Variants in PCSK5 observed in about 807,000 individuals in gnomAD.
The protein encoded by PCSK5 is prohormone convertase 5.
Under a neutral mutation model 233.2 loss-of-function variants are expected in PCSK5, and 129 were observed. The ratio of observed to expected loss-of-function variants is 0.55; its 90% CI spans 0.48 to 0.64. The LOEUF (loss-of-function observed/expected upper bound fraction) is 0.64, where lower values mean the gene tolerates loss of function less well. Among genes scored for constraint, PCSK5 ranks in the 30% least tolerant of loss-of-function variants. PCSK5 has a pLI of 0.00. For synonymous variants in PCSK5, 825 were observed against 879.2 expected (o/e 0.94, Z 1.09); for missense variants, 2,076 against 2,430.1 (o/e 0.85, Z 3.06).
chr9:76,079,633 T>A (rs922464875), intron 7 of PCSK5, among the ~76,000 whole-genome samples: 2 of 152,218 alleles, frequency 1.3e-5, no homozygotes, highest in Non-Finnish European at 2.9e-5. Context: ...TTGACTTCTT[T>A]TCCTACTTGG....
intron 2 of PCSK5, among the ~76,000 whole-genome samples, chr9:75,948,865 A>G (rs1824711109): frequency 6.6e-6 from 1 of 152,040 alleles, no homozygotes; most frequent in Non-Finnish European, 1.5e-5. Context: ...AACTCACCAC[A>G]GATGTTTTTG....
At chr9:75,926,077 A>G (rs1823474150) in intron 1 of PCSK5, among the ~76,000 whole-genome samples, 1 of 152,194 alleles carries the variant, frequency 6.6e-6, no homozygotes, top group Non-Finnish European at 1.5e-5. Context: ...GCTGGCGGAC[A>G]CATTCCAGCT....
chr9:76,021,867 G>A (rs527398492), intron 3 of PCSK5, among the ~76,000 whole-genome samples: 1 of 152,226 alleles, frequency 6.6e-6, no homozygotes, highest in Non-Finnish European at 1.5e-5. Flanking sequence ...CCATGCCTCC[G>A]CTTCTAACTT....
At chr9:76,170,653 C>G (rs1176537598) in intron 13 of PCSK5, among the ~76,000 whole-genome samples, 1 of 152,234 alleles carries the variant, frequency 6.6e-6, no homozygotes, top group Non-Finnish European at 1.5e-5. Flanking sequence ...GTGCTCTGTC[C>G]AGTCCTCTTT....
intron 1 of PCSK5, among the ~76,000 whole-genome samples, chr9:75,897,177 A>G (rs549770555): frequency 6.6e-6 from 1 of 152,222 alleles, no homozygotes; most frequent in African/African-American, 2.4e-5. Flanking sequence ...AGGGAGCATT[A>G]TATGATCTTT....
intron 2 of PCSK5, among the ~76,000 whole-genome samples, chr9:75,965,111 G>A (rs770303372): frequency 1.2e-4 from 18 of 152,312 alleles, no homozygotes; most frequent in East Asian, 7.7e-4. Flanking sequence ...CTGCCCCAAA[G>A]GCAAAGCATC....
intron 10 of PCSK5, among the ~76,000 whole-genome samples, chr9:76,145,615 G>A (rs1823414483): frequency 6.6e-6 from 1 of 152,152 alleles, no homozygotes; most frequent in Admixed American, 6.5e-5. Flanking sequence ...GATATTCCTA[G>A]CACAGACTGC....
At chr9:76,113,447 C>G (rs568250721) in intron 9 of PCSK5, among the ~76,000 whole-genome samples, 13 of 152,292 alleles carry the variant, frequency 8.5e-5, no homozygotes, top group Admixed American at 6.5e-4. Flanking sequence ...GATGAATCAA[C>G]CACTCTATGT....
intron 32 of PCSK5, among the ~76,000 whole-genome samples, chr9:76,325,848 G>A (rs1009504014): frequency 2.6e-5 from 4 of 152,086 alleles, no homozygotes; most frequent in African/African-American, 9.7e-5. Context: ...TATTGGTCAG[G>A]GTGGTCTCGA....
intron 24 of PCSK5, among the ~76,000 whole-genome samples, chr9:76,247,867 C>T (rs1465480591): frequency 6.6e-6 from 1 of 151,976 alleles, no homozygotes; most frequent in African/African-American, 2.4e-5. Context: ...TCACTGCAAC[C>T]TCCGCCTCCC....
chr9:76,264,862 C>A (rs1019675861), intron 24 of PCSK5, among the ~76,000 whole-genome samples: 3 of 152,168 alleles, frequency 2.0e-5, no homozygotes, highest in African/African-American at 7.2e-5. Flanking sequence ...TTTGACCCAA[C>A]AATCCCATTA....
chr9:76,357,237 CTT>C (rs1210111189), intron 37 of PCSK5, among the ~76,000 whole-genome samples: 3 of 152,142 alleles, frequency 2.0e-5, no homozygotes, highest in East Asian at 3.8e-4. Flanking sequence ...TTTCAAAACT[CTT>C]AATAATGGCT....
At chr9:75,928,779 C>T (rs919311267) in intron 1 of PCSK5, among the ~76,000 whole-genome samples, 2 of 151,124 alleles carry the variant, frequency 1.3e-5, no homozygotes, top group African/African-American at 4.9e-5. Context: ...CTTTCAGAAC[C>T]TTGGAAGAGT....
At chr9:76,033,208 C>T (rs1057144281) in intron 5 of PCSK5, among the ~76,000 whole-genome samples, 12 of 152,044 alleles carry the variant, frequency 7.9e-5, no homozygotes, top group Non-Finnish European at 8.8e-5. Flanking sequence ...CAGCATTTTC[C>T]GCATATAGGG....
intron 27 of PCSK5, among the ~76,000 whole-genome samples, chr9:76,299,714 C>T (rs964476663): frequency 6.6e-5 from 10 of 151,998 alleles, no homozygotes; most frequent in Admixed American, 3.9e-4. Context: ...ATATAATATT[C>T]GACAGGCTGC....
intron 25 of PCSK5, among the ~76,000 whole-genome samples, chr9:76,293,001 A>G (rs1484816307): frequency 2.0e-5 from 3 of 152,212 alleles, no homozygotes; most frequent in Non-Finnish European, 4.4e-5. Flanking sequence ...TTTTATTGAG[A>G]TTGTCAGAGA....
At chr9:76,212,067 AG>A (rs1825348662) in intron 20 of PCSK5, among the ~76,000 whole-genome samples, 1 of 152,182 alleles carries the variant, frequency 6.6e-6, no homozygotes, top group Non-Finnish European at 1.5e-5. Context: ...GACCACTGTG[AG>A]AAAAGCCCTT....
At position 76,097,408 on chromosome 9, in the gene PCSK5, C is replaced by T. The variant is rs1278548934; in HGVS notation, c.1107+1306C>T. On this transcript the variant is annotated intron_variant, in intron 8 of 37. Coordinates refer to ENST00000674117, the MANE Select transcript of PCSK5 (RefSeq NM_001372043.1). ...CCGAGTAGCTGGGACTACAGGCGCCCGCCACCGCGCCCGGCTAATTTTTTT... is the reference window on the plus strand; with the variant it reads ...CCGAGTAGCTGGGACTACAGGCGCCTGCCACCGCGCCCGGCTAATTTTTTT... Among the ~76,000 whole-genome samples, 23 of 150,980 alleles carry T rather than the reference C, an allele frequency of 1.5e-4. No individual in the cohort carries two copies. In the East Asian group the frequency reaches 4.3e-3, roughly 28 times the overall value.
chr9:76,139,090 T>C (rs1044560739), intron 10 of PCSK5, among the ~76,000 whole-genome samples: 1 of 152,142 alleles, frequency 6.6e-6, no homozygotes, highest in African/African-American at 2.4e-5. Context: ...TTAATTGCCA[T>C]CATTTTATTT....
Sources: gnomAD v4.1 joint callset for allele counts (sites outside exome capture counted in the v4.1 genomes callset) on GRCh38, gnomAD v4.1.1 for gene constraint, MANE v1.5 for transcripts, NCBI Gene and HGNC (gene_info 2026-07-23, HGNC 2026-07-21) for gene names.